The following ABCC2 variants were observed in gnomAD, a reference collection of about 807,000 sequenced individuals.
ABCC2 encodes ATP binding cassette subfamily C member 2.
A neutral mutation model predicts 173.4 loss-of-function variants in ABCC2; 157 were observed. The ratio of observed to expected loss-of-function variants is 0.91; its 90% confidence interval spans 0.80 to 1.03. The LOEUF is 1.03. ABCC2 is among the 50% of genes least tolerant of loss of function. The pLI, the probability that ABCC2 is intolerant of heterozygous loss-of-function variation, is 0.00. For synonymous variants in ABCC2, 657 were observed against 693.5 expected (o/e 0.95, Z 0.83); for missense variants, 1,822 against 1,852.3 (o/e 0.98, Z 0.30).
chr10:99,784,177 C>G (rs2037666082), intron 1 of ABCC2, among the ~76,000 whole-genome samples: 1 of 152,086 alleles, frequency 6.6e-6, no homozygotes, highest in Non-Finnish European at 1.5e-5. Context: ...TATGACTAAG[C>G]ATTCTCCCTG....
intron 19 of ABCC2, among the ~76,000 whole-genome samples, chr10:99,828,859 C>T (rs2038690027): frequency 6.6e-6 from 1 of 151,900 alleles, no homozygotes; most frequent in African/African-American, 2.4e-5. Context: ...TACAGAGCCA[C>T]ATAGTCAGCC....
At chr10:99,828,102 T>A (rs1281908278) in intron 19 of ABCC2, among the ~76,000 whole-genome samples, 1 of 150,244 alleles carries the variant, frequency 6.7e-6, no homozygotes, top group Non-Finnish European at 1.5e-5. Context: ...ATTGGGCAGT[T>A]TTCCCATACT....
chr10:99,830,149 T>C (rs1176178345), intron 19 of ABCC2, among the ~76,000 whole-genome samples, 158 bp from the exon 20 acceptor site: 1 of 152,250 alleles, frequency 6.6e-6, no homozygotes, highest in East Asian at 1.9e-4. Context: ...CTAATAACTA[T>C]GTATGGAGTA....
intron 19 of ABCC2, among the ~76,000 whole-genome samples, chr10:99,826,512 C>A (rs1035931487): frequency 6.6e-6 from 1 of 151,058 alleles, no homozygotes; most frequent in Non-Finnish European, 1.5e-5. Context: ...GGGGCAGGCG[C>A]TTCCTGGGTC....
At chr10:99,842,975 C>G (rs2133143836) in intron 26 of ABCC2, among the ~76,000 whole-genome samples, 1 of 152,098 alleles carries the variant, frequency 6.6e-6, no homozygotes, top group Non-Finnish European at 1.5e-5. Flanking sequence ...ATCACTTGAA[C>G]CCAGGAGGCA....
chr10:99,851,064 C>T (rs1297829411), intron 31 of ABCC2, among the ~76,000 whole-genome samples: 1 of 152,184 alleles, frequency 6.6e-6, no homozygotes, highest in Non-Finnish European at 1.5e-5. Context: ...GAGGTGGAAG[C>T]TCAAGCCGTG....
Position 99,836,275 on chromosome 10 carries a change from G to C in ABCC2, c.3599G>C (p.Trp1200Ser). 12 of 1,614,142 alleles carry C rather than the reference G, an allele frequency of 7.4e-6. No homozygotes were observed. Among genetic ancestry groups the C allele is most frequent in the Non-Finnish European group, 8.5e-6 (10 of 1,180,032 alleles). ...ACCAACCAGAAATGTGTCTTTTCCT[G>C]GATCACCTCCAACAGGTGAGGCTTC... is the stretch of plus-strand genomic sequence containing the variant. Reference protein sequence around the residue: ...IDTNQKCVFSWITSNRWLAIR... With the variant: ...IDTNQKCVFSSITSNRWLAIR... The change falls in exon 25 of 32, where the codon TGG (tryptophan) becomes TCG (serine). Residue 1200 changes from tryptophan (W) to serine (S), a missense_variant. Trp to Ser is a radical substitution (Grantham distance 177, BLOSUM62 -3). Coordinates refer to ENST00000647814, the MANE Select transcript of ABCC2 (RefSeq NM_000392.5).
At chr10:99,788,484 A>C (rs2037758210) in intron 2 of ABCC2, 1 of 152,234 alleles carries the variant, frequency 6.6e-6, no homozygotes, top group Non-Finnish European at 1.5e-5. Flanking sequence ...AAACAAGAAA[A>C]ATCCTATGAG....
chr10:99,823,148 T>C (rs2038569053), intron 19 of ABCC2, among the ~76,000 whole-genome samples: 1 of 152,196 alleles, frequency 6.6e-6, no homozygotes, highest in African/African-American at 2.4e-5. Flanking sequence ...CTCCTGCCTC[T>C]TGAGTGGGCA....
chr10:99,797,061 C>T, intron 6 of ABCC2, 36 bp from the exon 7 acceptor site: 1 of 1,597,114 alleles, frequency 6.3e-7, no homozygotes, highest in Non-Finnish European at 8.6e-7. Flanking sequence ...CTGACCCAGC[C>T]TGGGGGTCTC....
At chr10:99,819,402 C>T in intron 19 of ABCC2, 133 bp downstream of exon 19, 1 of 909,318 alleles carries the variant, frequency 1.1e-6, no homozygotes, top group Non-Finnish European at 1.7e-6. Flanking sequence ...TCAAACTCTG[C>T]TTTCTGGGTT....
intron 30 of ABCC2, among the ~76,000 whole-genome samples, chr10:99,847,714 T>C (rs1164852597): frequency 6.7e-6 from 1 of 149,818 alleles, no homozygotes; most frequent in Non-Finnish European, 1.5e-5. Context: ...AGGTCAGGAG[T>C]TCAAGACCAG....
intron 30 of ABCC2, among the ~76,000 whole-genome samples, chr10:99,850,133 TG>T (rs2039068226): frequency 6.6e-6 from 1 of 152,220 alleles, no homozygotes. Flanking sequence ...GAAATGCCAC[TG>T]GGGCATTCTA....
In ABCC2 at chr10:99,851,644, T is replaced by G; in HGVS notation, c.*13T>G. ...CACAAAATTCTAGCAGAAGGCCCCA[T>G]GGGTTAGAAAAGGACTATAAGAATA... On this transcript the variant is annotated 3_prime_UTR_variant, in exon 32 of 32. Coordinates refer to ENST00000647814, the MANE Select transcript of ABCC2 (RefSeq NM_000392.5). 1 of 1,613,288 alleles carries G rather than the reference T, an allele frequency of 6.2e-7. No individual in the cohort carries two copies. Among genetic ancestry groups the G allele is most frequent in the Non-Finnish European group, 8.5e-7 (1 of 1,179,260 alleles).
rs3740063 is a variant in ABCC2 at position 99,850,966 on chromosome 10, A to G, written c.4508+170A>G. ...ATCTGGCCAAAATTTTACATCACGC[A>G]AATGAAAACGAACAAGGTTAAGGGA... On this transcript the variant is annotated intron_variant, in intron 31 of 31. Transcript: ENST00000647814. 0.41 allele frequency among the ~76,000 whole-genome samples: 62,826 copies of G among 152,070 alleles called. 13,260 individuals carry two copies. The highest frequency in any genetic ancestry group is 0.52 in the Middle Eastern group (154 of 294).
At chr10:99,836,337 T>C in intron 25 of ABCC2, 47 bp downstream of exon 25, 1 of 1,600,690 alleles carries the variant, frequency 6.2e-7, no homozygotes, top group Middle Eastern at 1.7e-4. Context: ...TTTGGGGTTC[T>C]ATATGTTTGA....
At chr10:99,795,526 CT>C (rs1720283144) in intron 6 of ABCC2, among the ~76,000 whole-genome samples, 2 of 151,874 alleles carry the variant, frequency 1.3e-5, no homozygotes, top group South Asian at 4.2e-4. Context: ...TGGTGAAACC[CT>C]GTCTCCACTA....
At chr10:99,841,792 A>G (rs2038949255) in intron 25 of ABCC2, among the ~76,000 whole-genome samples, 175 bp from the exon 26 acceptor site, 1 of 152,230 alleles carries the variant, frequency 6.6e-6, no homozygotes, top group African/African-American at 2.4e-5. Context: ...TTCTTAAAAA[A>G]TATATCAATA....
At chr10:99,841,117 C>T (rs1193320639) in intron 25 of ABCC2, among the ~76,000 whole-genome samples, 1 of 152,198 alleles carries the variant, frequency 6.6e-6, no homozygotes, top group Non-Finnish European at 1.5e-5. Context: ...TCAGCTTCTT[C>T]TTCCCCTTTT....
Sources: gnomAD v4.1 joint callset for allele counts (sites outside exome capture counted in the v4.1 genomes callset) on GRCh38, gnomAD v4.1.1 for gene constraint, MANE v1.5 for transcripts, NCBI Gene and HGNC (gene_info 2026-07-23, HGNC 2026-07-21) for gene names.